The following ZNF140 variants were observed in gnomAD, a reference collection of about 807,000 sequenced individuals.
The protein encoded by ZNF140 is zinc finger protein 140 (clone pHZ-39).
A neutral mutation model predicts 12.9 loss-of-function variants in ZNF140; 13 were observed. The observed-to-expected ratio is 1.01, with a 90% CI of 0.66 to 1.60. The LOEUF is 1.60. ZNF140 is among the 40% of genes most tolerant of loss of function. The pLI, the probability that ZNF140 is intolerant of heterozygous loss-of-function variation, is 0.00. For synonymous variants in ZNF140, 214 were observed against 186.7 expected (o/e 1.15, Z -1.19); for missense variants, 531 against 548.8 (o/e 0.97, Z 0.32).
chr12:133,081,125 G>C (rs1409055527), intron 1 of ZNF140, 53 bp downstream of exon 1: 11 of 281,134 alleles, frequency 3.9e-5, no homozygotes, highest in Non-Finnish European at 5.8e-5. Context: ...GCCGGCGCCA[G>C]TGGTCCAAGC....
chr12:133,090,921 C>T (rs1053942580), intron 4 of ZNF140, among the ~76,000 whole-genome samples: 28 of 144,716 alleles, frequency 1.9e-4, no homozygotes, highest in East Asian at 9.8e-4. Flanking sequence ...AACAAGGCAG[C>T]ATTACTGCAA....
rs1236535189 is a variant in ZNF140, at chr12:133,102,735, C to T, written c.233-2775C>T. 4.2e-5 allele frequency among the ~76,000 whole-genome samples: 6 copies of T among 144,550 alleles called. No individual in the cohort carries two copies. In the East Asian group the frequency reaches 5.9e-4, roughly 14 times the overall value. The allele number at this position is 144,550 out of a possible 152,430, so 94.8% of individuals were successfully genotyped here. ...CTGGACCCCAGCCTGGGTGACAGAG[C>T]GAGACTCCGTTTCTTAAAAAAAAAA... On this transcript the variant is annotated intron_variant, in intron 4 of 4. Coordinates refer to ENST00000355557, the MANE Select transcript of ZNF140 (RefSeq NM_003440.4).
chr12:133,090,476 C>T (rs1197542964), intron 4 of ZNF140, among the ~76,000 whole-genome samples: 1 of 152,010 alleles, frequency 6.6e-6, no homozygotes, highest in Non-Finnish European at 1.5e-5. Context: ...TTTCTTCTTC[C>T]TTTGAATTTA....
At chr12:133,089,236 A>G (rs1335692301) in intron 4 of ZNF140, among the ~76,000 whole-genome samples, 2 of 150,946 alleles carry the variant, frequency 1.3e-5, no homozygotes, top group African/African-American at 2.4e-5. Context: ...TTTTCGAGGC[A>G]GGGTCTCACT....
intron 4 of ZNF140, among the ~76,000 whole-genome samples, chr12:133,096,104 G>T (rs1337227130): frequency 6.6e-6 from 1 of 151,636 alleles, no homozygotes; most frequent in Non-Finnish European, 1.5e-5. Context: ...CCATATTTCA[G>T]ACTATCACAT....
At chr12:133,096,780 T>A (rs888851957) in intron 4 of ZNF140, among the ~76,000 whole-genome samples, 14 of 152,380 alleles carry the variant, frequency 9.2e-5, no homozygotes, top group East Asian at 5.8e-4. Context: ...ATGTGTGTTA[T>A]GACTAAGAAT....
intron 4 of ZNF140, among the ~76,000 whole-genome samples, chr12:133,098,712 A>G (rs1593789904): frequency 6.6e-6 from 1 of 151,598 alleles, no homozygotes; most frequent in East Asian, 2.0e-4. Flanking sequence ...TGTTATTATC[A>G]TTATTTTTTT....
chr12:133,091,290 C>T (rs1954880000), intron 4 of ZNF140, among the ~76,000 whole-genome samples: 1 of 150,872 alleles, frequency 6.6e-6, no homozygotes, highest in South Asian at 2.1e-4. Context: ...TGACTTTTAC[C>T]AAGTATACTG....
rs774261530 is a variant in ZNF140 at position 133,106,011 on chromosome 12, A to T, written c.734A>T (p.Tyr245Phe). 3.1e-6 allele frequency: 5 copies of T among 1,614,182 alleles called. No homozygotes were observed. In the Admixed American group the frequency reaches 8.3e-5, roughly 27 times the overall value. Residue 245 changes from tyrosine to phenylalanine, a missense_variant, in exon 5 of 5, where the codon TAT becomes TTT. Coordinates refer to ENST00000355557, the MANE Select transcript of ZNF140 (RefSeq NM_003440.4). ...HQRTHTGEKPYECTECGKAFS... is the reference protein window; with the variant it reads ...HQRTHTGEKPFECTECGKAFS... ...AGAACGCACACTGGGGAGAAACCTT[A>T]TGAATGTACTGAGTGTGGAAAGGCC...
At chr12:133,098,114 G>A (rs1955204486) in intron 4 of ZNF140, among the ~76,000 whole-genome samples, 1 of 151,130 alleles carries the variant, frequency 6.6e-6, no homozygotes, top group Non-Finnish European at 1.5e-5. Flanking sequence ...GATTACAGGC[G>A]TGAGCCTACG....
Position 133,105,570 on chromosome 12 carries a change from C to G in ZNF140, c.293C>G (p.Ser98Ter). The change falls in exon 5 of 5, where the codon TCA becomes TGA. Residue 98 changes from serine (S) to a stop codon, truncating the protein, a stop_gained. Transcript: ENST00000355557. LOFTEE classifies it low-confidence loss of function (END_TRUNC). ...FSPKNVIYDDSSQYLIMERIL... is the reference protein window; with the variant it reads ...FSPKNVIYDD ...CCAAAAAATGTCATTTATGATGACT[C>G]ATCCCAGTATTTGATCATGGAAAGA... 1 of 1,613,832 alleles carries G rather than the reference C, an allele frequency of 6.2e-7. No individual in the cohort carries two copies. The highest frequency in any genetic ancestry group is 8.5e-7 in the Non-Finnish European group (1 of 1,179,958).
In ZNF140 at chr12:133,081,022, C is replaced by T; in HGVS notation, c.-99C>T. ...GGTCCGGAGCCCTGGAACGCTACGC[C>T]CACCTGGCGGAAAGCACCACGGAAA... On this transcript the variant is annotated 5_prime_UTR_variant, in exon 1 of 5. Transcript: ENST00000355557. 1 of 193,700 alleles carries T rather than the reference C, an allele frequency of 5.2e-6. No homozygotes were observed. Among genetic ancestry groups the T allele is most frequent in the African/African-American group, 2.4e-5 (1 of 42,356 alleles). 12.0% of individuals were successfully genotyped at this position (193,700 alleles called of 1,614,324 possible).
At chr12:133,089,759 G>C (rs1954794123) in intron 4 of ZNF140, among the ~76,000 whole-genome samples, 1 of 151,744 alleles carries the variant, frequency 6.6e-6, no homozygotes, top group Non-Finnish European at 1.5e-5. Flanking sequence ...CCTGGCTAGA[G>C]GCTTATTGAT....
Position 133,089,952 on chromosome 12 carries a change from C to T in ZNF140, c.232+6391C>T, listed in dbSNP as rs930345430. ...GCAGCCTCTGCCTCCCGGGTTCAAG[C>T]GATTCTTCTGCCTCAGCCTCCTGAG... On this transcript the variant is annotated intron_variant, in intron 4 of 4. Coordinates refer to ENST00000355557, the MANE Select transcript of ZNF140 (RefSeq NM_003440.4). Among the ~76,000 whole-genome samples, 15 of 151,680 alleles carry T rather than the reference C, an allele frequency of 9.9e-5. No homozygotes were observed. In the South Asian group the frequency reaches 1.0e-3, roughly 11 times the overall value.
intron 4 of ZNF140, among the ~76,000 whole-genome samples, chr12:133,090,061 C>T (rs1401406448): frequency 2.6e-5 from 4 of 152,008 alleles, no homozygotes; most frequent in Non-Finnish European, 5.9e-5. Flanking sequence ...GTTGGCCAGG[C>T]TGGTCTTGAA....
chr12:133,087,943 C>T (rs914866663), intron 4 of ZNF140, among the ~76,000 whole-genome samples: 7 of 151,956 alleles, frequency 4.6e-5, no homozygotes, highest in Non-Finnish European at 2.9e-5. Context: ...CCAGCTTGGC[C>T]AACATGGTGA....
chr12:133,083,143 A>G lies in ZNF140; in HGVS notation c.50A>G (p.Gln17Arg). The change falls in exon 3 of 5, where the codon CAG becomes CGG. Residue 17 changes from glutamine to arginine, a missense_variant. By Grantham distance (43) the Gln-to-Arg change is conservative. Transcript: ENST00000355557. ...AGAGATGTGGCCATAGACTTCTCCCAGGAGGAGTGGAAATGGCTTCAGCCT... is the reference window on the plus strand; with the variant it reads ...AGAGATGTGGCCATAGACTTCTCCCGGGAGGAGTGGAAATGGCTTCAGCCT... ...TFRDVAIDFS[Q>R]EEWKWLQPAQ... 6.2e-7 allele frequency: 1 copy of G among 1,614,214 alleles called. No homozygotes were observed. Among genetic ancestry groups the G allele is most frequent in the South Asian group, 1.1e-5 (1 of 91,088 alleles).
chr12:133,084,467 T>G (rs1210403888), intron 4 of ZNF140, among the ~76,000 whole-genome samples: 1 of 152,208 alleles, frequency 6.6e-6, no homozygotes, highest in Non-Finnish European at 1.5e-5. Flanking sequence ...GGCCTAGTGA[T>G]GTGTCTAAAT....
At chr12:133,102,451 C>A (rs1161364937) in intron 4 of ZNF140, among the ~76,000 whole-genome samples, 1 of 151,998 alleles carries the variant, frequency 6.6e-6, no homozygotes, top group African/African-American at 2.4e-5. Context: ...AGAATGAAAC[C>A]TTGGTGGCTC....
Sources: allele counts gnomAD v4.1 joint callset (sites outside exome capture counted in the v4.1 genomes callset), GRCh38; gene constraint gnomAD v4.1.1; transcripts MANE v1.5; gene names NCBI Gene and HGNC (gene_info 2026-07-23, HGNC 2026-07-21).